Variants in SLC6A7 observed in about 807,000 individuals in gnomAD.
SLC6A7 encodes sodium-dependent proline transporter.
A neutral mutation model predicts 73.1 loss-of-function variants in SLC6A7; 58 were observed. That is an observed-to-expected ratio of 0.79 (90% confidence interval 0.64 to 0.99). SLC6A7 has a LOEUF of 0.99. Ranked by LOEUF, SLC6A7 falls within the 50% of genes least tolerant of loss-of-function variation. The probability of loss-of-function intolerance (pLI) is 0.00; values close to 1 mark genes in which losing one functional copy is unlikely to be tolerated. For synonymous variants in SLC6A7, 338 were observed against 338.7 expected (o/e 1.00, Z 0.02); for missense variants, 783 against 831.4 (o/e 0.94, Z 0.72).
chr5:150,203,671 T>C lies in SLC6A7; in HGVS notation c.1092T>C (p.Pro364=). 6.3e-7 allele frequency: 1 copy of C among 1,587,664 alleles called. No homozygotes were observed. The highest frequency in any genetic ancestry group is 1.1e-5 in the South Asian group (1 of 90,600). ...CCCCGTGTGCCCCTGGCCCAGGCCC[T>C]GGCCTGGCCTTTGTCGTCTACCCAC... The part of the protein sequence containing the change: ...VPVDQVAKAG[P]GLAFVVYPQA... Residue 364 remains proline, a synonymous_variant, in exon 9 of 14, where the codon CCT becomes CCC. Coordinates refer to ENST00000230671, the MANE Select transcript of SLC6A7 (RefSeq NM_014228.5).
rs1455093358 is a variant in SLC6A7, at chr5:150,204,515, C to G, written c.1333-17C>G. 5.0e-6 allele frequency: 8 copies of G among 1,598,546 alleles called. No individual in the cohort carries two copies. The highest frequency in any genetic ancestry group is 6.9e-6 in the Non-Finnish European group (8 of 1,165,876). On this transcript the variant is annotated splice_polypyrimidine_tract_variant and intron_variant, in intron 10 of 13. Transcript: ENST00000230671. The stretch of plus-strand genomic sequence containing the variant: ...GAGGCCCAGGAAGGGGACACCAGAA[C>G]TGTGCTTGTGTTTTAGGGGGGCATG...
At chr5:150,205,034 G>T in intron 12 of SLC6A7, 107 bp downstream of exon 12, 2 of 671,416 alleles carry the variant, frequency 3.0e-6, no homozygotes, top group Middle Eastern at 4.0e-4. Context: ...GCAGTGGAGG[G>T]CTGTGGGGTG....
At position 150,197,159 on chromosome 5, in the gene SLC6A7, A is replaced by G. The variant is rs1269722818; in HGVS notation, c.467A>G (p.His156Arg). The G allele has an allele frequency of 6.2e-7, 1 of 1,614,066 alleles. No homozygotes were observed. The highest frequency in any genetic ancestry group is 1.7e-5 in the Admixed American group (1 of 60,028). ...ASLTSDLPWE[H>R]CGNWWNTELC... is the part of the protein sequence containing the mutation. The stretch of plus-strand genomic sequence containing the variant: ...CTCACCAGCGACCTACCCTGGGAGC[A>G]CTGTGGCAACTGGTGGAACACAGAA... Residue 156 changes from histidine (H) to arginine (R), a missense_variant, in exon 4 of 14, where the codon CAC becomes CGC. By Grantham distance (29) the His-to-Arg change is conservative. Coordinates refer to ENST00000230671, the MANE Select transcript of SLC6A7 (RefSeq NM_014228.5).
In SLC6A7 at chr5:150,190,156, C is replaced by A. The variant is rs893380945; in HGVS notation, c.-172C>A. The A allele has an allele frequency of 3.9e-6, 2 of 515,352 alleles. No homozygotes were observed. Among genetic ancestry groups the A allele is most frequent in the East Asian group, 7.2e-5 (2 of 27,652 alleles). The allele number at this position is 515,352 out of a possible 1,614,324, so 31.9% of individuals were successfully genotyped here. A position where few individuals can be genotyped will look rare whatever the true frequency, so the allele number is the denominator to read the frequency against. On this transcript the variant is annotated 5_prime_UTR_variant, in exon 1 of 14. Transcript: ENST00000230671. ...GGGACAGACAAGGCATTCGCAGCGC[C>A]CTGCCCGCGCTCCACGCCCGCAGCC... is the stretch of plus-strand genomic sequence containing the variant.
chr5:150,207,919 G>C (rs1238163375), intron 13 of SLC6A7, among the ~76,000 whole-genome samples: 2 of 151,690 alleles, frequency 1.3e-5, no homozygotes, highest in Non-Finnish European at 2.9e-5. Context: ...TGGAGACATT[G>C]TTGGTTGTCG....
At chr5:150,208,203 A>T (rs1255229659) in intron 13 of SLC6A7, among the ~76,000 whole-genome samples, 1 of 152,140 alleles carries the variant, frequency 6.6e-6, no homozygotes, top group Non-Finnish European at 1.5e-5. Flanking sequence ...ACTTAAAAAA[A>T]AAAGGAGTAC....
rs769594267 is a variant in SLC6A7 at position 150,199,292 on chromosome 5, C to T, written c.649C>T (p.Leu217Phe). The T allele has an allele frequency of 3.7e-5, 59 of 1,613,986 alleles. No individual in the cohort carries two copies. The highest frequency in any genetic ancestry group is 1.7e-5 in the Admixed American group (1 of 60,000). The change falls in exon 5 of 14, where the codon CTC becomes TTC. Residue 217 changes from leucine to phenylalanine, a missense_variant. Transcript: ENST00000230671. ...IGSPGEIRWN[L>F]CLCLLLAWVI... is the part of the protein sequence containing the mutation. ...CAGCCCTGGGGAGATCCGCTGGAAC[C>T]TCTGCCTCTGCCTGCTGCTGGCCTG...
chr5:150,195,208 T>C (rs1284318105), intron 2 of SLC6A7: 3 of 317,176 alleles, frequency 9.5e-6, no homozygotes, highest in Non-Finnish European at 1.8e-5. Context: ...TGCCTCTGCT[T>C]CGTGATAAGG....
intron 5 of SLC6A7, among the ~76,000 whole-genome samples, chr5:150,200,276 T>G (rs1753299573): frequency 6.6e-6 from 1 of 152,182 alleles, no homozygotes; most frequent in Admixed American, 6.5e-5. Context: ...GTGGATCACC[T>G]GAGGTCAGGA....
chr5:150,190,140 A>G lies in SLC6A7; in HGVS notation c.-188A>G. 1 of 492,606 alleles carries G rather than the reference A, an allele frequency of 2.0e-6. No homozygotes were observed. Among genetic ancestry groups the G allele is most frequent in the Non-Finnish European group, 3.5e-6 (1 of 285,272 alleles). The allele number at this position is 492,606 out of a possible 1,614,324, so 30.5% of individuals were successfully genotyped here. On this transcript the variant is annotated 5_prime_UTR_variant, in exon 1 of 14. Coordinates refer to ENST00000230671, the MANE Select transcript of SLC6A7 (RefSeq NM_014228.5). ...CCTCGGGCGCTGCGCAGGGACAGAC[A>G]AGGCATTCGCAGCGCCCTGCCCGCG...
chr5:150,196,945 A>C (rs1469837197), intron 3 of SLC6A7, 97 bp from the exon 4 acceptor site: 1 of 1,529,928 alleles, frequency 6.5e-7, no homozygotes, highest in Non-Finnish European at 8.9e-7. Context: ...GCAGAGGTGG[A>C]AGTGAAGCCC....
intron 9 of SLC6A7, 43 bp from the exon 10 acceptor site, chr5:150,203,863 GT>G: frequency 6.4e-7 from 1 of 1,562,672 alleles, no homozygotes; most frequent in Admixed American, 1.7e-5. Flanking sequence ...GTGTGTGTGT[GT>G]TGGGGATAGA....
Position 150,196,848 on chromosome 5 carries a change from G to T in SLC6A7, c.349+1G>T, listed in dbSNP as rs1211513556. The T allele has an allele frequency of 6.2e-7, 1 of 1,613,864 alleles. No homozygotes were observed. The highest frequency in any genetic ancestry group is 1.1e-5 in the South Asian group (1 of 91,046). The stretch of plus-strand genomic sequence containing the variant: ...TGGAAAATCAGCCCTCTCTTCAAAG[G>T]TGAGGCCTCAGTGGTCCCCAGGGAG... On this transcript the variant is annotated splice_donor_variant, in intron 3 of 13. Transcript: ENST00000230671. LOFTEE classifies it high-confidence loss of function.
chr5:150,202,555 C>T (rs746378541), intron 7 of SLC6A7, 24 bp from the exon 8 acceptor site: 1 of 1,613,300 alleles, frequency 6.2e-7, no homozygotes, highest in South Asian at 1.1e-5. Flanking sequence ...TCACCCTGGC[C>T]CGCACCTGGA....
intron 2 of SLC6A7, among the ~76,000 whole-genome samples, chr5:150,195,535 C>A (rs1487362217): frequency 1.3e-5 from 2 of 152,204 alleles, no homozygotes; most frequent in African/African-American, 2.4e-5. Context: ...CTGGTGATGA[C>A]CCTATTGGGT....
At position 150,196,809 on chromosome 5, in the gene SLC6A7, G is replaced by A. The variant is rs772772312; in HGVS notation, c.311G>A (p.Gly104Glu). Residue 104 changes from glycine (G) to glutamate (E), a missense_variant, in exon 3 of 14, where the codon GGG becomes GAG. Gly to Glu is a moderately conservative substitution (Grantham distance 98, BLOSUM62 -2). Transcript: ENST00000230671. The stretch of plus-strand genomic sequence containing the variant: ...TCCCTGGGCCAGTTCTCCAGCCTAG[G>A]GCCCCTGGCTGTCTGGAAAATCAGC... ...ELSLGQFSSL[G>E]PLAVWKISPL... 8.7e-6 allele frequency: 14 copies of A among 1,613,948 alleles called. No homozygotes were observed. Among genetic ancestry groups the A allele is most frequent in the Admixed American group, 8.3e-5 (5 of 59,992 alleles).
chr5:150,196,996 G>A (rs1753061078), intron 3 of SLC6A7, 46 bp from the exon 4 acceptor site: 1 of 1,578,304 alleles, frequency 6.3e-7, no homozygotes, highest in Non-Finnish European at 8.7e-7. Context: ...CACCCGGCTG[G>A]CAGAGAGCTT....
At chr5:150,198,055 GA>G (rs1170997496) in intron 4 of SLC6A7, among the ~76,000 whole-genome samples, 3 of 49,404 alleles carry the variant, frequency 6.1e-5, no homozygotes, top group African/African-American at 3.0e-4. Context: ...GAAAGAGAAA[GA>G]AAGAAAGAAA....
Position 150,190,247 on chromosome 5 carries a change from C to T in SLC6A7, c.-81C>T, listed in dbSNP as rs766235491. 91 of 1,224,012 alleles carry T rather than the reference C, an allele frequency of 7.4e-5. No individual in the cohort carries two copies. Among genetic ancestry groups the T allele is most frequent in the Non-Finnish European group, 9.8e-5 (87 of 886,348 alleles). 75.8% of individuals were successfully genotyped at this position (1,224,012 alleles called of 1,614,324 possible). A position where few individuals can be genotyped will look rare whatever the true frequency, so the allele number is the denominator to read the frequency against. On this transcript the variant is annotated 5_prime_UTR_variant, in exon 1 of 14. Coordinates refer to ENST00000230671, the MANE Select transcript of SLC6A7 (RefSeq NM_014228.5). Reference sequence around the variant, plus strand: ...TGCGCGGGAGCCGCGGGGGCAAAGGCGCAGTGGCCAGCGGACCATCTCTCG... The same window carrying T: ...TGCGCGGGAGCCGCGGGGGCAAAGGTGCAGTGGCCAGCGGACCATCTCTCG...
Sources: gnomAD v4.1 joint callset for allele counts (sites outside exome capture counted in the v4.1 genomes callset) on GRCh38, gnomAD v4.1.1 for gene constraint, MANE v1.5 for transcripts, NCBI Gene and HGNC (gene_info 2026-07-23, HGNC 2026-07-21) for gene names.